ELSPBP1: variants seen among roughly 807,000 people sequenced by gnomAD.
ELSPBP1 encodes epididymal sperm binding protein 1.
Under a neutral mutation model 33.3 loss-of-function variants are expected in ELSPBP1, and 38 were observed. That is an observed-to-expected ratio of 1.14 (90% confidence interval 0.88 to 1.50). ELSPBP1 has a LOEUF of 1.50. Ranked by LOEUF, ELSPBP1 falls within the 40% of genes most tolerant of loss-of-function variation. The pLI is 0.00. For synonymous variants in ELSPBP1, 85 were observed against 94.1 expected, an observed-to-expected ratio of 0.90 and a Z score of 0.56; for missense variants, 267 against 263.5, an observed-to-expected ratio of 1.01 and a Z score of -0.09.
At chr19:48,024,036 A>ATTTTTTTTTTT (rs111833936) in intron 6 of ELSPBP1, among the ~76,000 whole-genome samples, 1 of 131,912 alleles carries the variant, frequency 7.6e-6, no homozygotes. Flanking sequence ...ATGCCCAGCA[A>ATTTTTTTTTTT]TTTTTTTTTT....
rs1966965315 is a variant in ELSPBP1, at chr19:48,001,344, T to TG, written c.-18+6533_-18+6534insG. Among the ~76,000 whole-genome samples, 4 of 109,808 alleles carry TG rather than the reference T, an allele frequency of 3.6e-5. No homozygotes were observed. In the Admixed American group the frequency reaches 4.2e-4, roughly 11 times the overall value. The allele number at this position is 109,808 out of a possible 152,430, so 72.0% of individuals were successfully genotyped here. ...TAGCTGGGATTACACCACACCCAGC[T>TG]AATTTTTTTTTTTTTTGTAGTAGAG... On this transcript the variant is annotated intron_variant, in intron 1 of 6. Transcript: ENST00000339841.
intron 3 of ELSPBP1, among the ~76,000 whole-genome samples, chr19:48,015,481 C>A (rs1039539277): frequency 2.0e-5 from 3 of 152,156 alleles, no homozygotes; most frequent in Non-Finnish European, 2.9e-5. Flanking sequence ...CATGGCGACA[C>A]CCCATCTCTA....
chr19:48,004,195 C>T (rs956920890), intron 1 of ELSPBP1, among the ~76,000 whole-genome samples: 2 of 151,976 alleles, frequency 1.3e-5, no homozygotes, highest in African/African-American at 2.4e-5. Context: ...CTGCCCGCCT[C>T]GGCCTCCCAA....
At position 48,006,352 on chromosome 19, in the gene ELSPBP1, G is replaced by A. The variant is rs886470207; in HGVS notation, c.-17-2299G>A. ...TTTAAGGTTGGGCCCAGTGGCTCAC[G>A]CCTGTAACACTAGCACTTTAAGAGG... On this transcript the variant is annotated intron_variant, in intron 1 of 6. Transcript: ENST00000339841. 7.2e-5 allele frequency among the ~76,000 whole-genome samples: 11 copies of A among 152,208 alleles called. No individual in the cohort carries two copies. In the South Asian group the frequency reaches 1.4e-3, roughly 20 times the overall value.
In ELSPBP1 at chr19:48,022,155, C is replaced by T; in HGVS notation, c.515-15C>T. ...CTGAGGAGTAACCTTTGTTTTATCCCCTTCTGCTTCCTAGGAATTTCCGCG... is the reference window on the plus strand; with the variant it reads ...CTGAGGAGTAACCTTTGTTTTATCCTCTTCTGCTTCCTAGGAATTTCCGCG... On this transcript the variant is annotated splice_polypyrimidine_tract_variant and intron_variant, in intron 5 of 6. Transcript: ENST00000339841. 1 of 1,605,386 alleles carries T rather than the reference C, an allele frequency of 6.2e-7. No individual in the cohort carries two copies. Among genetic ancestry groups the T allele is most frequent in the Non-Finnish European group, 8.5e-7 (1 of 1,175,780 alleles).
Position 48,011,484 on chromosome 19 carries a change from T to C in ELSPBP1, c.71-2687T>C, listed in dbSNP as rs1353865101. On this transcript the variant is annotated intron_variant, in intron 2 of 6. Transcript: ENST00000339841. This position sits in a 1 kb window ranked among gnomAD's most constrained non-coding sequence, Gnocchi z 4.5. Reference sequence around the variant, plus strand: ...ACAATGACAATAATGAGGTTGATGATAATGACAATGACTGATAATGATGAT... The same window carrying C: ...ACAATGACAATAATGAGGTTGATGACAATGACAATGACTGATAATGATGAT... Among the ~76,000 whole-genome samples the C allele has an allele frequency of 3.3e-5, 5 of 151,444 alleles. No homozygotes were observed. Among genetic ancestry groups the C allele is most frequent in the Non-Finnish European group, 7.4e-5 (5 of 67,870 alleles).
rs376582341 is a variant in ELSPBP1, at chr19:48,018,593, A to G, written c.356-1126A>G. 2.1e-4 allele frequency among the ~76,000 whole-genome samples: 32 copies of G among 152,332 alleles called. 2 individuals carry two copies. The highest frequency in any genetic ancestry group is 1.4e-3 in the Admixed American group (22 of 15,296). On this transcript the variant is annotated intron_variant, in intron 4 of 6. Transcript: ENST00000339841. ...ACATGAAATAACTCATCTATTCCAT[A>G]CAATAATCTCTATCAGGTAAATGTG...
intron 2 of ELSPBP1, among the ~76,000 whole-genome samples, chr19:48,010,797 T>C (rs1009589435): frequency 3.3e-5 from 5 of 152,174 alleles, no homozygotes; most frequent in Non-Finnish European, 7.4e-5. Flanking sequence ...GTCTGGATTA[T>C]AGAGGATTGT....
At chr19:47,997,381 TGTATATGTG>T (rs1966921630) in intron 1 of ELSPBP1, among the ~76,000 whole-genome samples, 2 of 152,214 alleles carry the variant, frequency 1.3e-5, no homozygotes, top group Non-Finnish European at 2.9e-5. Context: ...TGCATATACC[TGTATATGTG>T]CACATATGAT....
intron 1 of ELSPBP1, among the ~76,000 whole-genome samples, chr19:48,002,860 G>C (rs1966981047): frequency 6.6e-6 from 1 of 152,150 alleles, no homozygotes; most frequent in East Asian, 1.9e-4. Context: ...TGGCTTGTAT[G>C]CCCCCTCTGA....
intron 1 of ELSPBP1, among the ~76,000 whole-genome samples, chr19:47,998,440 T>G (rs1288795738): frequency 6.6e-6 from 1 of 150,866 alleles, no homozygotes; most frequent in Non-Finnish European, 1.5e-5. Flanking sequence ...AATCAATCAA[T>G]CAATCAATCT....
chr19:48,004,784 C>T (rs1967000698), intron 1 of ELSPBP1, among the ~76,000 whole-genome samples: 2 of 152,242 alleles, frequency 1.3e-5, no homozygotes, highest in Non-Finnish European at 2.9e-5. Context: ...CTCAGCCCCA[C>T]GAAGGCAGGG....
intron 3 of ELSPBP1, 31 bp downstream of exon 3, chr19:48,014,339 G>A: frequency 6.2e-7 from 1 of 1,606,684 alleles, no homozygotes; most frequent in Non-Finnish European, 8.5e-7. Flanking sequence ...CCTGCCAGTG[G>A]CCTTTGAATA....
At chr19:48,013,826 G>C (rs780671256) in intron 2 of ELSPBP1, among the ~76,000 whole-genome samples, 2 of 152,074 alleles carry the variant, frequency 1.3e-5, no homozygotes, top group Admixed American at 6.5e-5. Context: ...AAGTCCAAGG[G>C]CAAGTCACCA....
chr19:48,000,911 C>A (rs1243510554), intron 1 of ELSPBP1, among the ~76,000 whole-genome samples: 1 of 152,192 alleles, frequency 6.6e-6, no homozygotes, highest in Non-Finnish European at 1.5e-5. Flanking sequence ...TCTGCAGTGG[C>A]TGTAACAAAT....
chr19:48,022,892 A>AT (rs1460230160), intron 6 of ELSPBP1, among the ~76,000 whole-genome samples: 1 of 151,156 alleles, frequency 6.6e-6, no homozygotes, highest in Admixed American at 6.6e-5. Flanking sequence ...CTCTACAAAA[A>AT]AAAAAAAAAT....
intron 5 of ELSPBP1, among the ~76,000 whole-genome samples, chr19:48,020,962 AAATT>A (rs1398629889): frequency 8.1e-6 from 1 of 122,802 alleles, no homozygotes; most frequent in African/African-American, 2.5e-5. Flanking sequence ...TAAATAAAAT[AAATT>A]ATTTCTCAGC....
Position 48,006,307 on chromosome 19 carries a change from C to T in ELSPBP1, c.-17-2344C>T, listed in dbSNP as rs117258588. ...TTAGCATCCTCATGTTTTGACACGA[C>T]GAAACTGAGGCTTAGAAAATTTAAG... On this transcript the variant is annotated intron_variant, in intron 1 of 6. Coordinates refer to ENST00000339841, the MANE Select transcript of ELSPBP1 (RefSeq NM_022142.5). 9.4e-3 allele frequency among the ~76,000 whole-genome samples: 1,430 copies of T among 152,088 alleles called. 9 individuals carry two copies. The highest frequency in any genetic ancestry group is 0.015 in the African/African-American group (613 of 41,484).
chr19:48,007,371 T>G (rs1349489873), intron 1 of ELSPBP1, among the ~76,000 whole-genome samples: 1 of 152,156 alleles, frequency 6.6e-6, no homozygotes, highest in African/African-American at 2.4e-5. Flanking sequence ...AAGCCTCAGT[T>G]TCCCTTTTCT....
Sources: allele counts gnomAD v4.1 joint callset (sites outside exome capture counted in the v4.1 genomes callset), GRCh38; gene constraint gnomAD v4.1.1; non-coding constraint Gnocchi (gnomAD v3.1); transcripts MANE v1.5; gene names NCBI Gene and HGNC (gene_info 2026-07-23, HGNC 2026-07-21).